Variants in GLIS3 observed in about 807,000 individuals in gnomAD.
GLIS3 encodes the protein zinc finger protein GLIS3.
GLIS3 carries 53 observed loss-of-function variants against 78.6 expected under a neutral mutation model. The observed-to-expected ratio is 0.67, with a 90% CI of 0.54 to 0.85. The LOEUF (loss-of-function observed/expected upper bound fraction) is 0.85, where lower values mean the gene tolerates loss of function less well. Among genes scored for constraint, GLIS3 ranks in the 40% least tolerant of loss-of-function variants. The pLI, the probability that GLIS3 is intolerant of heterozygous loss-of-function variation, is 0.00. For missense variants in GLIS3, 1,703 were observed against 1,231.1 expected (o/e 1.38, Z -5.74); for synonymous variants, 684 against 509.9 (o/e 1.34, Z -4.60).
intron 4 of GLIS3, among the ~76,000 whole-genome samples, chr9:4,020,301 TTTTTG>T (rs772018037): frequency 4.6e-5 from 7 of 152,102 alleles, no homozygotes; most frequent in South Asian, 2.1e-4. Flanking sequence ...TGTTTTGTTT[TTTTTG>T]TTTTGTTTTG....
the GLIS3 span, among the ~76,000 whole-genome samples, chr9:4,379,960 T>A: frequency 1.1e-5 from 1 of 87,652 alleles, no homozygotes; most frequent in Non-Finnish European, 2.3e-5. Context: ...GCAGACAGAG[T>A]GAAAGACCCC....
At chr9:3,866,354 G>A (rs113620691) in intron 8 of GLIS3, among the ~76,000 whole-genome samples, 9 of 152,240 alleles carry the variant, frequency 5.9e-5, no homozygotes, top group African/African-American at 1.9e-4. Flanking sequence ...CCAGCTACTC[G>A]GGAGGCTGAG....
chr9:3,988,176 G>GA (rs1248529731), intron 4 of GLIS3, among the ~76,000 whole-genome samples: 4 of 151,714 alleles, frequency 2.6e-5, no homozygotes, highest in African/African-American at 9.7e-5. Flanking sequence ...TATATTCAGA[G>GA]AAACTATCCT....
chr9:4,317,684 C>A (rs544182142), intron 2 of GLIS3, among the ~76,000 whole-genome samples: 1 of 152,050 alleles, frequency 6.6e-6, no homozygotes, highest in South Asian at 2.1e-4. Context: ...CAAAGGTGGT[C>A]TACAGAAAAA....
At chr9:4,410,652 A>G in the GLIS3 span, among the ~76,000 whole-genome samples, 1 of 152,236 alleles carries the variant, frequency 6.6e-6, no homozygotes, top group African/African-American at 2.4e-5. Flanking sequence ...AATGGATGCT[A>G]CAGAAATAGC....
At chr9:4,374,612 G>T in the GLIS3 span, among the ~76,000 whole-genome samples, 4 of 152,300 alleles carry the variant, frequency 2.6e-5, no homozygotes, top group South Asian at 4.1e-4. Context: ...CCTCTGTGTG[G>T]TTCCGACAAG....
intron 7 of GLIS3, among the ~76,000 whole-genome samples, chr9:3,885,823 T>C (rs1057349555): frequency 1.3e-5 from 2 of 152,220 alleles, no homozygotes. Flanking sequence ...AGAGACATTG[T>C]CAGTGTGGTT....
chr9:4,438,653 A>G, the GLIS3 span, among the ~76,000 whole-genome samples: 1 of 152,226 alleles, frequency 6.6e-6, no homozygotes. Context: ...GGGCAGGGAC[A>G]GGTGAAGATA....
chr9:4,119,157 T>G (rs1215963914), intron 3 of GLIS3, among the ~76,000 whole-genome samples: 1 of 152,236 alleles, frequency 6.6e-6, no homozygotes. Context: ...ACTTGAGTAA[T>G]AAATAGTCCT....
intron 2 of GLIS3, among the ~76,000 whole-genome samples, chr9:4,172,921 G>A (rs1816497024): frequency 6.6e-6 from 1 of 152,186 alleles, no homozygotes; most frequent in Non-Finnish European, 1.5e-5. Context: ...AAGCAGGCCA[G>A]ATGGTTGGTT....
chr9:4,434,451 C>A, the GLIS3 span, among the ~76,000 whole-genome samples: 1 of 152,086 alleles, frequency 6.6e-6, no homozygotes, highest in African/African-American at 2.4e-5. Context: ...AATATCTGAG[C>A]TGAGACATTA....
At chr9:4,148,273 A>G (rs1034614604) in intron 2 of GLIS3, among the ~76,000 whole-genome samples, 3 of 152,048 alleles carry the variant, frequency 2.0e-5, no homozygotes, top group Non-Finnish European at 4.4e-5. Context: ...CTACACTCAC[A>G]GGAGTTTGAT....
intron 4 of GLIS3, among the ~76,000 whole-genome samples, chr9:4,060,084 C>T (rs1156311716): frequency 6.6e-6 from 1 of 151,904 alleles, no homozygotes; most frequent in Non-Finnish European, 1.5e-5. Context: ...TCATGTGAGC[C>T]CATTTGGTAG....
At chr9:4,198,292 A>C (rs1257794785) in intron 2 of GLIS3, among the ~76,000 whole-genome samples, 1 of 152,224 alleles carries the variant, frequency 6.6e-6, no homozygotes, top group Non-Finnish European at 1.5e-5. Context: ...GAAAAGATAA[A>C]CATCTTAAAA....
intron 2 of GLIS3, among the ~76,000 whole-genome samples, chr9:4,274,526 AAGCAG>A (rs1826812754): frequency 6.6e-6 from 1 of 152,142 alleles, no homozygotes; most frequent in Admixed American, 6.5e-5. Context: ...TCCCTGCCAG[AAGCAG>A]AGGGTGGCAA....
At position 4,190,322 on chromosome 9, in the gene GLIS3, T is replaced by C. The variant is rs202185734; in HGVS notation, c.389-64381A>G. On this transcript the variant is annotated intron_variant, in intron 2 of 10. Transcript: ENST00000381971. The stretch of plus-strand genomic sequence containing the variant: ...GAATGTATAACTAGAATAACCAATA[T>C]AGAGAAGTGCTTAAAGGAGCTGATG... 1.6e-4 allele frequency among the ~76,000 whole-genome samples: 25 copies of C among 151,894 alleles called. No homozygotes were observed. In the East Asian group the frequency reaches 2.7e-3, roughly 16 times the overall value.
At chr9:3,851,077 G>T (rs2130179271) in intron 9 of GLIS3, among the ~76,000 whole-genome samples, 1 of 152,288 alleles carries the variant, frequency 6.6e-6, no homozygotes, top group East Asian at 1.9e-4. Flanking sequence ...AACTGAACTT[G>T]GTGTCTCCTT....
intron 2 of GLIS3, among the ~76,000 whole-genome samples, chr9:4,232,714 T>A (rs1822382783): frequency 6.6e-6 from 1 of 152,212 alleles, no homozygotes; most frequent in Non-Finnish European, 1.5e-5. Flanking sequence ...ATAATAAAGA[T>A]GAGGAAGTTG....
intron 2 of GLIS3, among the ~76,000 whole-genome samples, chr9:4,131,689 G>A (rs374709826): frequency 6.6e-6 from 1 of 152,162 alleles, no homozygotes; most frequent in Non-Finnish European, 1.5e-5. Flanking sequence ...CTGCAGAACT[G>A]TGAACCAATT....
Sources: gnomAD v4.1 joint callset for allele counts (sites outside exome capture counted in the v4.1 genomes callset) on GRCh38, gnomAD v4.1.1 for gene constraint, MANE v1.5 for transcripts, NCBI Gene and HGNC (gene_info 2026-07-23, HGNC 2026-07-21) for gene names.